The following SLC19A1 variants were observed in gnomAD, a reference collection of about 807,000 sequenced individuals.
SLC19A1 encodes the protein solute carrier family 19 member 1, also known as reduced folate transporter.
A neutral mutation model predicts 35.3 loss-of-function variants in SLC19A1; 37 were observed. The ratio of observed to expected loss-of-function variants is 1.05; its 90% CI spans 0.81 to 1.38. The LOEUF (loss-of-function observed/expected upper bound fraction) is 1.38. Among genes scored for constraint, SLC19A1 ranks in the 40% most tolerant of loss-of-function variants. The probability of loss-of-function intolerance (pLI) is 0.00; values close to 1 mark genes in which losing one functional copy is unlikely to be tolerated. For missense variants in SLC19A1, 831 were observed against 826.9 expected, an observed-to-expected ratio of 1.00 and a Z score of -0.06; for synonymous variants, 460 against 398.5, an observed-to-expected ratio of 1.15 and a Z score of -1.84.
chr21:45,504,141 C>A, intron 3 of SLC19A1: 1 of 1,457,524 alleles, frequency 6.9e-7, no homozygotes, highest in Non-Finnish European at 9.6e-7. Flanking sequence ...CCCCATCCGG[C>A]CCAAGCCCCC....
chr21:45,508,445 G>A (rs996279345), downstream of SLC19A1, among the ~76,000 whole-genome samples: 8 of 148,254 alleles, frequency 5.4e-5, no homozygotes, highest in Admixed American at 6.7e-5. Context: ...GTGGGTAAGT[G>A]GGTGAGTGGA....
rs2037240870 is a variant in SLC19A1 at position 45,506,871 on chromosome 21, CAG to C, written c.498-8261_498-8260del. The C allele has an allele frequency of 1.6e-5, 3 of 190,866 alleles. No homozygotes were observed. The South Asian group carries it at 2.9e-4, about 19-fold the overall frequency. 11.8% of individuals were successfully genotyped at this position (190,866 alleles called of 1,614,324 possible). ...GGCCTGGCCAGCCCCTGCAGCACCCCAGACAGTGAATCCCACTCCAGTCCCTT... is the reference window on the plus strand; with the variant it reads ...GGCCTGGCCAGCCCCTGCAGCACCCCACAGTGAATCCCACTCCAGTCCCTT... On this transcript the variant is annotated intron_variant, in intron 3 of 4. Coordinates refer to the SLC19A1 transcript ENST00000417954.
rs1238911278 is a variant in SLC19A1, at chr21:45,532,093, G to A, written c.245C>T (p.Pro82Leu). The change falls in exon 3 of 6, where the codon CCC (proline) becomes CTC (leucine). Residue 82 changes from proline (P) to leucine (L), a missense_variant. Coordinates refer to ENST00000311124, the MANE Select transcript of SLC19A1 (RefSeq NM_194255.4). ...CAGGTAGTCGGTGAGCAGGAACACG[G>A]GCACCAGCACGGCCAGGTAGGAGTA... ...LSYSYLAVLVPVFLLTDYLRY... is the reference protein window; with the variant it reads ...LSYSYLAVLVLVFLLTDYLRY... 6.2e-7 allele frequency: 1 copy of A among 1,612,134 alleles called. No homozygotes were observed. The highest frequency in any genetic ancestry group is 8.5e-7 in the Non-Finnish European group (1 of 1,179,282).
chr21:45,525,830 G>C lies in SLC19A1; in HGVS notation c.1280C>G (p.Pro427Arg). Residue 427 changes from proline to arginine, a missense_variant, in exon 5 of 6, where the codon CCG becomes CGG. By Grantham distance (103) the Pro-to-Arg change is moderately radical. Coordinates refer to ENST00000311124, the MANE Select transcript of SLC19A1 (RefSeq NM_194255.4). ...IVSDVRGLGL[P>R]VRKQFQLYSV... The stretch of plus-strand genomic sequence containing the variant: ...AAATGGGCTCACCTGCTTGCGGACC[G>C]GGAGGCCCAGGCCCCGCACGTCCGA... 1 of 1,613,216 alleles carries C rather than the reference G, an allele frequency of 6.2e-7. No individual in the cohort carries two copies. Among genetic ancestry groups the C allele is most frequent in the Non-Finnish European group, 8.5e-7 (1 of 1,179,910 alleles).
chr21:45,562,129 CAAAAAAAAAAA>C, intron 1 of SLC19A1, among the ~76,000 whole-genome samples: 2 of 121,578 alleles, frequency 1.6e-5, no homozygotes, highest in South Asian at 2.6e-4. Flanking sequence ...GACTCTGTCT[CAAAAAAAAAAA>C]AAAAAAAAGA....
intron 1 of SLC19A1, among the ~76,000 whole-genome samples, chr21:45,559,290 G>A (rs1450685356): frequency 6.6e-6 from 1 of 152,120 alleles, no homozygotes; most frequent in Non-Finnish European, 1.5e-5. Context: ...GTTGAGGCCG[G>A]GTGAGTGTCG....
At chr21:45,560,238 GCCACACAGGGC>G in intron 1 of SLC19A1, among the ~76,000 whole-genome samples, 1 of 152,336 alleles carries the variant, frequency 6.6e-6, no homozygotes, top group Non-Finnish European at 1.5e-5. Flanking sequence ...TCCTCCCACA[GCCACACAGGGC>G]CCACACAGGG....
At chr21:45,529,918 TGA>T (rs918408854) in intron 4 of SLC19A1, among the ~76,000 whole-genome samples, 5 of 149,106 alleles carry the variant, frequency 3.4e-5, no homozygotes, top group Admixed American at 6.7e-5. Context: ...TGTGTCCCTG[TGA>T]GTGTGTGTGT....
chr21:45,503,805 A>G (rs942530999), intron 3 of SLC19A1: 1 of 327,030 alleles, frequency 3.1e-6, no homozygotes, highest in Non-Finnish European at 5.4e-6. Context: ...TAAAAAATTT[A>G]AAAATAAAAT....
downstream of SLC19A1, among the ~76,000 whole-genome samples, chr21:45,508,896 C>T (rs905566831): frequency 2.0e-5 from 3 of 152,022 alleles, no homozygotes; most frequent in Non-Finnish European, 4.4e-5. Flanking sequence ...GGCTGAGGGC[C>T]GTGGGGAAAG....
rs892233615 is a variant in SLC19A1, at chr21:45,540,369, C to T, written c.-50+1999G>A. 7.9e-5 allele frequency among the ~76,000 whole-genome samples: 12 copies of T among 152,142 alleles called. No individual in the cohort carries two copies. Among genetic ancestry groups the T allele is most frequent in the East Asian group, 7.7e-4 (4 of 5,178 alleles). On this transcript the variant is annotated intron_variant, in intron 1 of 5. Coordinates refer to ENST00000311124, the MANE Select transcript of SLC19A1 (RefSeq NM_194255.4). This position sits in a 1 kb window ranked among gnomAD's most constrained non-coding sequence, Gnocchi z 5.5. ...AGGGTCTGCGCCCACAGTCCATGGCCGCAGGAGTCAGATCCCCACCCACAG... is the reference window on the plus strand; with the variant it reads ...AGGGTCTGCGCCCACAGTCCATGGCTGCAGGAGTCAGATCCCCACCCACAG...
downstream of SLC19A1, among the ~76,000 whole-genome samples, chr21:45,508,140 T>C (rs1053710737): frequency 6.8e-6 from 1 of 145,990 alleles, no homozygotes; most frequent in Admixed American, 6.8e-5. Context: ...GGTGGGTGGA[T>C]GGAAAGGTGG....
At chr21:45,552,608 C>G (rs2078477280) in intron 1 of SLC19A1, among the ~76,000 whole-genome samples, 3 of 152,194 alleles carry the variant, frequency 2.0e-5, no homozygotes. Context: ...GCAGAGCAGA[C>G]AGCCTCTCGC....
At chr21:45,528,383 A>G (rs1602776910) in intron 4 of SLC19A1, among the ~76,000 whole-genome samples, 1 of 152,218 alleles carries the variant, frequency 6.6e-6, no homozygotes, top group East Asian at 1.9e-4. Flanking sequence ...CCAGATCAGC[A>G]GGGAGGAAAG....
chr21:45,545,731 C>T (rs966364254), upstream of SLC19A1, among the ~76,000 whole-genome samples: 20 of 152,114 alleles, frequency 1.3e-4, no homozygotes, highest in African/African-American at 4.6e-4. Flanking sequence ...TGCAGGAAGA[C>T]GGGCGCGGAC....
chr21:45,557,799 C>T (rs796920531), intron 1 of SLC19A1, among the ~76,000 whole-genome samples: 12 of 152,334 alleles, frequency 7.9e-5, no homozygotes, highest in Admixed American at 2.0e-4. Flanking sequence ...CTCTGCTCAA[C>T]TAACAGCACA....
Position 45,514,970 on chromosome 21 carries a change from C to T in SLC19A1, c.*688G>A, listed in dbSNP as rs748041391. 3.0e-5 allele frequency: 44 copies of T among 1,488,878 alleles called. 1 individual carries two copies. Among genetic ancestry groups the T allele is most frequent in the Middle Eastern group, 1.7e-4 (1 of 5,746 alleles). 92.2% of individuals were successfully genotyped at this position (1,488,878 alleles called of 1,614,324 possible). A position where few individuals can be genotyped will look rare whatever the true frequency, so the allele number is the denominator to read the frequency against. ...ACAAGTGTGGGAGCAGCTGAGGACCCGCAGGTCAGGATGGACACACTTCAG... is the reference window on the plus strand; with the variant it reads ...ACAAGTGTGGGAGCAGCTGAGGACCTGCAGGTCAGGATGGACACACTTCAG... On this transcript the variant is annotated 3_prime_UTR_variant, in exon 6 of 6. Transcript: ENST00000311124.
intron 4 of SLC19A1, among the ~76,000 whole-genome samples, chr21:45,526,590 T>G (rs1416569872): frequency 6.6e-6 from 1 of 152,248 alleles, no homozygotes; most frequent in Non-Finnish European, 1.5e-5. Context: ...TTGTTATTTT[T>G]TTTTAGATGG....
chr21:45,532,432 T>C (rs890182178), intron 2 of SLC19A1, among the ~76,000 whole-genome samples: 1 of 152,196 alleles, frequency 6.6e-6, no homozygotes, highest in Admixed American at 6.5e-5. Flanking sequence ...TCTAAGCTTC[T>C]CTATTTTTAT....
Sources: gnomAD v4.1 joint callset for allele counts (sites outside exome capture counted in the v4.1 genomes callset) on GRCh38, gnomAD v4.1.1 for gene constraint, Gnocchi (gnomAD v3.1) non-coding constraint, MANE v1.5 for transcripts, NCBI Gene and HGNC (gene_info 2026-07-23, HGNC 2026-07-21) for gene names.